Variants in COL15A1 observed in about 807,000 individuals in gnomAD.
COL15A1 encodes the protein collagen type XV alpha 1 chain.
In COL15A1, 111 loss-of-function variants were observed where a neutral mutation model predicts 165.9. That is an observed-to-expected ratio of 0.67 (90% confidence interval 0.57 to 0.78). The LOEUF (loss-of-function observed/expected upper bound fraction) is 0.78. Ranked by LOEUF, COL15A1 falls within the 30% of genes least tolerant of loss-of-function variation. The pLI is 0.00. For missense variants in COL15A1, 1,745 were observed against 1,789.7 expected (o/e 0.98, Z 0.45); for synonymous variants, 659 against 674.8 (o/e 0.98, Z 0.36).
rs555324090 is a variant in COL15A1, at chr9:99,003,371, G to T, written c.1066-82G>T. On this transcript the variant is annotated intron_variant, in intron 7 of 41. Transcript: ENST00000375001. ...ACAGAAATGCAGGTGGCTGGAGAAG[G>T]CTAGGCAGTCTGTTCTCACCAGCCA... 3.8e-5 allele frequency: 43 copies of T among 1,138,604 alleles called. 3 individuals are homozygous for T. The Middle Eastern group carries it at 6.5e-4, about 17-fold the overall frequency. The allele number at this position is 1,138,604 out of a possible 1,614,324, so 70.5% of individuals were successfully genotyped here.
At chr9:99,017,531 A>T (rs1838956888) in intron 11 of COL15A1, among the ~76,000 whole-genome samples, 1 of 152,202 alleles carries the variant, frequency 6.6e-6, no homozygotes, top group African/African-American at 2.4e-5. Context: ...TCTGGTTTTT[A>T]ACTCTGGTCA....
chr9:99,009,846 A>G (rs1052333607), intron 9 of COL15A1, among the ~76,000 whole-genome samples: 2 of 152,252 alleles, frequency 1.3e-5, no homozygotes, highest in African/African-American at 4.8e-5. Context: ...TATAATTTCC[A>G]TAAGCCTTTT....
At chr9:99,012,520 C>A (rs1838862076) in intron 9 of COL15A1, among the ~76,000 whole-genome samples, 1 of 152,232 alleles carries the variant, frequency 6.6e-6, no homozygotes, top group Middle Eastern at 3.4e-3. Context: ...AACTTAGGAA[C>A]TTTATAGTTG....
chr9:98,971,457 A>T (rs1019035824), intron 2 of COL15A1, among the ~76,000 whole-genome samples: 4 of 152,024 alleles, frequency 2.6e-5, no homozygotes, highest in African/African-American at 9.7e-5. Context: ...ATGGAAAAGG[A>T]AAGTCCGTAC....
rs111581734 is a variant in COL15A1, at chr9:99,034,972, T to A, written c.2080-42T>A. On this transcript the variant is annotated intron_variant, in intron 17 of 41. Coordinates refer to ENST00000375001, the MANE Select transcript of COL15A1 (RefSeq NM_001855.5). ...GCATGCATGTTGTTCCTTCCATGAG[T>A]GAACCCAGGGCTAGATAATCAGCCT... 3.7e-5 allele frequency: 58 copies of A among 1,578,420 alleles called. No homozygotes were observed. The African/African-American group carries it at 6.3e-4, about 17-fold the overall frequency.
intron 2 of COL15A1, among the ~76,000 whole-genome samples, chr9:98,979,731 T>A (rs1208212221): frequency 6.6e-6 from 1 of 152,166 alleles, no homozygotes; most frequent in Non-Finnish European, 1.5e-5. Flanking sequence ...ACCAATCTTT[T>A]AACTAAAATT....
intron 39 of COL15A1, among the ~76,000 whole-genome samples, chr9:99,063,570 G>T (rs578213975): frequency 6.6e-6 from 1 of 152,334 alleles, no homozygotes; most frequent in South Asian, 2.1e-4. Flanking sequence ...AAGCCAAAAA[G>T]TTTGACCATT....
At chr9:98,986,147 G>T (rs748577355) in intron 3 of COL15A1, 35 bp downstream of exon 3, 2 of 1,540,670 alleles carry the variant, frequency 1.3e-6, no homozygotes, top group Non-Finnish European at 1.8e-6. Context: ...AGATCAGGGA[G>T]GTGGATGAAC....
intron 26 of COL15A1, 24 bp downstream of exon 26, chr9:99,044,794 G>A: frequency 6.2e-7 from 1 of 1,607,016 alleles, no homozygotes; most frequent in Non-Finnish European, 8.5e-7. Context: ...TCTCTCAGCT[G>A]GATCTGGGCT....
chr9:99,015,617 C>T lies in COL15A1; in HGVS notation c.1503+51C>T, dbSNP rs1464766995. The T allele has an allele frequency of 1.3e-6, 2 of 1,557,254 alleles. 1 individual carries two copies. Among genetic ancestry groups the T allele is most frequent in the South Asian group, 2.3e-5 (2 of 88,518 alleles). ...GGCTCACAGGGGAGAGACAGGTCTG[C>T]ATCATGCGACAACAGTCATCCTTGG... is the stretch of plus-strand genomic sequence containing the variant. On this transcript the variant is annotated intron_variant, in intron 10 of 41. Coordinates refer to ENST00000375001, the MANE Select transcript of COL15A1 (RefSeq NM_001855.5).
At chr9:98,987,829 TG>T (rs1471700843) in intron 4 of COL15A1, among the ~76,000 whole-genome samples, 4 of 152,214 alleles carry the variant, frequency 2.6e-5, no homozygotes, top group African/African-American at 9.6e-5. Flanking sequence ...GAGCACCTGC[TG>T]GGTGCCAGCC....
rs887083949 is a variant in COL15A1, at chr9:98,996,936, C to T, written c.807C>T (p.Pro269=). 2.5e-6 allele frequency: 4 copies of T among 1,613,488 alleles called. No homozygotes were observed. Among genetic ancestry groups the T allele is most frequent in the Admixed American group, 1.7e-5 (1 of 59,932 alleles). The change falls in exon 6 of 42, where the codon CCC becomes CCT. Residue 269 remains proline, a splice_region_variant and synonymous_variant. Transcript: ENST00000375001. ...CATCTCATTTTTCCTCCCTTCAGCCCAAAGAAGCAAAAGTTGAACCCATAA... is the reference window on the plus strand; with the variant it reads ...CATCTCATTTTTCCTCCCTTCAGCCTAAAGAAGCAAAAGTTGAACCCATAA... ...LEAVTYTQAS[P]KEAKVEPINT... is the part of the protein sequence containing the mutation.
intron 16 of COL15A1, among the ~76,000 whole-genome samples, chr9:99,033,052 C>G (rs1433532257): frequency 6.6e-6 from 1 of 152,230 alleles, no homozygotes; most frequent in African/African-American, 2.4e-5. Context: ...TTGTTTCTCA[C>G]AGTATTGCCT....
In COL15A1 at chr9:99,054,663, C is replaced by T. The variant is rs1429072392; in HGVS notation, c.3031+7C>T. ...GGAGCCCAGGGACCACCAGGTATTCCAGCTCTTGTTCTCAATCTTGCCTTT... is the reference window on the plus strand; with the variant it reads ...GGAGCCCAGGGACCACCAGGTATTCTAGCTCTTGTTCTCAATCTTGCCTTT... On this transcript the variant is annotated splice_region_variant and intron_variant, in intron 32 of 41. Transcript: ENST00000375001. The T allele has an allele frequency of 1.2e-6, 2 of 1,602,718 alleles. No homozygotes were observed. Among genetic ancestry groups the T allele is most frequent in the Non-Finnish European group, 1.7e-6 (2 of 1,176,928 alleles).
intron 13 of COL15A1, 37 bp downstream of exon 13, chr9:99,022,187 G>A (rs368573115): frequency 7.4e-6 from 12 of 1,613,542 alleles, no homozygotes; most frequent in Admixed American, 1.7e-5. Context: ...ACACACAGGT[G>A]TAAGACCAGG....
intron 2 of COL15A1, among the ~76,000 whole-genome samples, chr9:98,963,877 C>T (rs916532643): frequency 6.6e-6 from 1 of 152,240 alleles, no homozygotes; most frequent in East Asian, 1.9e-4. Context: ...ATCTCCATGA[C>T]TTGCAGTGCC....
rs1839302046 is a variant in COL15A1, at chr9:99,036,350, C to T, written c.2363C>T (p.Pro788Leu). 1 of 1,614,012 alleles carries T rather than the reference C, an allele frequency of 6.2e-7. No individual in the cohort carries two copies. The highest frequency in any genetic ancestry group is 1.7e-5 in the Admixed American group (1 of 60,006). ...ATGGATGGAGCCAGTATTGTGGGAC[C>T]CCCTGGGCCGAGAGGGCCACCTGGG... is the stretch of plus-strand genomic sequence containing the variant. Reference protein sequence around the residue: ...RGMDGASIVGPPGPRGPPGHI... With the variant: ...RGMDGASIVGLPGPRGPPGHI... Residue 788 changes from proline to leucine, a missense_variant, in exon 21 of 42, where the codon CCC becomes CTC. Physicochemically the swap from Pro to Leu is moderately conservative, Grantham distance 98 (BLOSUM62 -3). Transcript: ENST00000375001.
At chr9:98,968,975 A>C (rs1837999536) in intron 2 of COL15A1, among the ~76,000 whole-genome samples, 1 of 152,210 alleles carries the variant, frequency 6.6e-6, no homozygotes, top group East Asian at 1.9e-4. Context: ...TGAGAAAAAA[A>C]CGCCAATCCC....
At chr9:99,062,188 T>A in intron 37 of COL15A1, 57 bp from the exon 38 acceptor site, 1 of 1,601,688 alleles carries the variant, frequency 6.2e-7, no homozygotes. Context: ...TTTTCTGTTT[T>A]GAAATGGGAG....
Sources: gnomAD v4.1 joint callset for allele counts (sites outside exome capture counted in the v4.1 genomes callset) on GRCh38, gnomAD v4.1.1 for gene constraint, MANE v1.5 for transcripts, NCBI Gene and HGNC (gene_info 2026-07-23, HGNC 2026-07-21) for gene names.